The following LIPF variants were observed in gnomAD, a reference collection of about 807,000 sequenced individuals.
LIPF encodes the protein gastric triacylglycerol lipase.
In LIPF, 25 loss-of-function variants were observed where a neutral mutation model predicts 38.0. The observed-to-expected ratio is 0.66, with a 90% CI of 0.48 to 0.92. LIPF has a LOEUF of 0.92. Among genes scored for constraint, LIPF ranks in the 40% least tolerant of loss-of-function variants. The probability of loss-of-function intolerance (pLI) is 0.00; values close to 1 mark genes in which losing one functional copy is unlikely to be tolerated. For synonymous variants in LIPF, 161 were observed against 156.2 expected (o/e 1.03, Z -0.23); for missense variants, 410 against 469.9 (o/e 0.87, Z 1.18).
intron 4 of LIPF, 74 bp downstream of exon 4, chr10:88,668,830 C>A: frequency 8.0e-7 from 1 of 1,246,410 alleles, no homozygotes; most frequent in Non-Finnish European, 1.1e-6. Flanking sequence ...TAATCCAGTC[C>A]CATTTTAACA....
At chr10:88,665,462 TA>T (rs1841496941) in intron 1 of LIPF, 3 of 1,070,118 alleles carry the variant, frequency 2.8e-6, no homozygotes, top group Non-Finnish European at 4.2e-6. Flanking sequence ...ATGTGTTAAT[TA>T]CTGGTATTTT....
intron 6 of LIPF, among the ~76,000 whole-genome samples, chr10:88,672,249 T>C (rs1367138878): frequency 1.3e-5 from 2 of 152,098 alleles, no homozygotes; most frequent in African/African-American, 4.8e-5. Flanking sequence ...CTCTACACAG[T>C]TGTGTCAAGG....
intron 4 of LIPF, 77 bp from the exon 5 acceptor site, chr10:88,669,760 A>G (rs1841566010): frequency 1.0e-6 from 1 of 999,360 alleles, no homozygotes; most frequent in Non-Finnish European, 1.5e-6. Flanking sequence ...CAAAGGGATC[A>G]TTAGCTATAA....
chr10:88,670,671 G>A (rs1464614810), intron 5 of LIPF, among the ~76,000 whole-genome samples: 2 of 152,294 alleles, frequency 1.3e-5, no homozygotes, highest in South Asian at 2.1e-4. Context: ...AATTGAGAAA[G>A]AGACAGAGAG....
At position 88,678,669 on chromosome 10, in the gene LIPF, A is replaced by G. The variant is rs1286290063; in HGVS notation, c.1185A>G (p.Glu395=). 1.9e-6 allele frequency: 3 copies of G among 1,599,306 alleles called. No homozygotes were observed. The highest frequency in any genetic ancestry group is 2.2e-5 in the South Asian group (2 of 90,786). ...VYNDIVSMIS[E]DKK is the part of the protein sequence containing the mutation. The stretch of plus-strand genomic sequence containing the variant: ...ATGACATTGTTTCTATGATATCAGA[A>G]GATAAAAAGTAGTTCTGGATTTAAA... Residue 395 remains glutamate, a synonymous_variant, in exon 10 of 10, where the codon GAA becomes GAG. Transcript: ENST00000238983.
chr10:88,668,584 C>G lies in LIPF; in HGVS notation c.250C>G (p.His84Asp), dbSNP rs928226732. ...CCAGAGACCTGTTGTGTTTTTGCAG[C>G]ATGGTTTGCTTGCATCAGCCACAAA... ...TGQRPVVFLQ[H>D]GLLASATNWI... Residue 84 changes from histidine (H) to aspartate (D), a missense_variant, in exon 4 of 10, where the codon CAT becomes GAT. By Grantham distance (81) the His-to-Asp change is moderately conservative. Transcript: ENST00000238983. 6.2e-7 allele frequency: 1 copy of G among 1,614,026 alleles called. No homozygotes were observed. Among genetic ancestry groups the G allele is most frequent in the Non-Finnish European group, 8.5e-7 (1 of 1,179,996 alleles).
intron 6 of LIPF, 86 bp from the exon 7 acceptor site, chr10:88,673,502 C>A: frequency 1.0e-6 from 1 of 971,298 alleles, no homozygotes; most frequent in Non-Finnish European, 1.6e-6. Flanking sequence ...ATCCTCATCA[C>A]ACATGTATAA....
Position 88,671,888 on chromosome 10 carries a change from C to T in LIPF, c.592C>T (p.Leu198=). The change falls in exon 6 of 10, where the codon CTA becomes TTA. Residue 198 remains leucine, a synonymous_variant. Transcript: ENST00000238983. The stretch of plus-strand genomic sequence containing the variant: ...TAAAAGAATCAAAACCTTCTATGCT[C>T]TAGCTCCTGTTGCCACTGTGAAGTA... ...LAKRIKTFYA[L]APVATVKYTK... The T allele has an allele frequency of 6.2e-7, 1 of 1,613,634 alleles. No homozygotes were observed. The highest frequency in any genetic ancestry group is 8.5e-7 in the Non-Finnish European group (1 of 1,179,736).
intron 7 of LIPF, 73 bp from the exon 8 acceptor site, chr10:88,675,513 A>C: frequency 2.7e-6 from 3 of 1,127,750 alleles, no homozygotes; most frequent in South Asian, 1.3e-5. Flanking sequence ...AGAAAACATA[A>C]ATCTTTACTG....
intron 8 of LIPF, 148 bp from the exon 9 acceptor site, chr10:88,676,061 T>C (rs1411261531): frequency 1.1e-5 from 6 of 565,378 alleles, no homozygotes; most frequent in Non-Finnish European, 1.9e-5. Context: ...ATAAATACCT[T>C]GTCCTAGATT....
chr10:88,667,769 C>T (rs565045471), intron 3 of LIPF, 83 bp downstream of exon 3: 2 of 635,344 alleles, frequency 3.1e-6, no homozygotes, highest in East Asian at 2.6e-5. Context: ...TCCTTTCTTC[C>T]TCCAACTTTT....
At chr10:88,670,759 C>T (rs1052041321) in intron 5 of LIPF, among the ~76,000 whole-genome samples, 1 of 152,116 alleles carries the variant, frequency 6.6e-6, no homozygotes, top group Non-Finnish European at 1.5e-5. Context: ...TTTTAGCTTT[C>T]ACTCTGATAA....
rs1391373109 is a variant in LIPF, at chr10:88,665,588, G to A, written c.-12+1097G>A. ...GGTTAAGTGTCCTCACTTTACAATG[G>A]CAAATCACTTAATGGAGGTCATGTG... On this transcript the variant is annotated intron_variant, in intron 1 of 9. Transcript: ENST00000238983. The A allele has an allele frequency of 2.0e-6, 3 of 1,516,730 alleles. No individual in the cohort carries two copies. The South Asian group carries it at 3.6e-5, about 18-fold the overall frequency. The allele number at this position is 1,516,730 out of a possible 1,614,324, so 94.0% of individuals were successfully genotyped here.
Position 88,665,737 on chromosome 10 carries a change from A to ATTTTTTTTTTTTTTTTTT in LIPF, c.-12+1253_-12+1270dup, listed in dbSNP as rs68081693. ...AAAAACAAGGCTTAGTTAAAAACTG[A>ATTTTTTTTTTTTTTTTTT]TTTTTTTTTTTTTTTTTTTTTTTTG... On this transcript the variant is annotated intron_variant, in intron 1 of 9. Transcript: ENST00000238983. 3.2e-4 allele frequency among the ~76,000 whole-genome samples: 32 copies of ATTTTTTTTTTTTTTTTTT among 100,242 alleles called. 1 individual carries two copies. The highest frequency in any genetic ancestry group is 4.0e-4 in the Non-Finnish European group (20 of 50,488). 65.8% of individuals were successfully genotyped at this position (100,242 alleles called of 152,430 possible). A position where few individuals can be genotyped will look rare whatever the true frequency, so the allele number is the denominator to read the frequency against.
chr10:88,675,208 T>C (rs1028516497), intron 7 of LIPF, among the ~76,000 whole-genome samples: 1 of 152,160 alleles, frequency 6.6e-6, no homozygotes, highest in Non-Finnish European at 1.5e-5. Context: ...TGTGAATATT[T>C]AACCTACAGC....
chr10:88,677,548 T>C (rs1193003061), intron 9 of LIPF, among the ~76,000 whole-genome samples: 1 of 152,202 alleles, frequency 6.6e-6, no homozygotes, highest in African/African-American at 2.4e-5. Flanking sequence ...ACACACTCCC[T>C]TTTCTCTAAT....
chr10:88,667,997 T>C (rs150374754), intron 3 of LIPF, among the ~76,000 whole-genome samples: 2 of 152,262 alleles, frequency 1.3e-5, no homozygotes, highest in Admixed American at 1.3e-4. Context: ...TTAATAAAAT[T>C]ACCTAACTCA....
intron 7 of LIPF, among the ~76,000 whole-genome samples, chr10:88,674,880 G>A (rs999024798): frequency 6.6e-6 from 1 of 152,176 alleles, no homozygotes; most frequent in Non-Finnish European, 1.5e-5. Flanking sequence ...TCCATATGTG[G>A]AGTTTAACAG....
At chr10:88,666,700 G>GA (rs1841516516) in intron 1 of LIPF, among the ~76,000 whole-genome samples, 3 of 151,848 alleles carry the variant, frequency 2.0e-5, no homozygotes, top group East Asian at 3.9e-4. Context: ...CTAAAAAAAA[G>GA]AAAAAAAATT....
Sources: gnomAD v4.1 joint callset for allele counts (sites outside exome capture counted in the v4.1 genomes callset) on GRCh38, gnomAD v4.1.1 for gene constraint, MANE v1.5 for transcripts, NCBI Gene and HGNC (gene_info 2026-07-23, HGNC 2026-07-21) for gene names.